NR2F1-AS1: variants seen among roughly 807,000 people sequenced by gnomAD.
NR2F1-AS1 encodes the protein NR2F1 regulatory antisense RNA 1, also known as NR2F1 antisense RNA 1.
At chr5:93,473,336 C>A (rs181826574) in intron 4 of NR2F1-AS1, among the ~76,000 whole-genome samples, 1 of 151,724 alleles carries the variant, frequency 6.6e-6, no homozygotes, top group Admixed American at 6.6e-5. Context: ...TGATCTTTAG[C>A]GATAGAATAA....
At chr5:93,460,991 C>T (rs185460702) in intron 4 of NR2F1-AS1, among the ~76,000 whole-genome samples, 176 of 152,180 alleles carry the variant, frequency 1.2e-3, no homozygotes, top group Non-Finnish European at 2.0e-3. Flanking sequence ...GGGTATATAC[C>T]CAAAGGAATA....
At chr5:93,574,947 G>A (rs1220977905) in intron 1 of NR2F1-AS1, among the ~76,000 whole-genome samples, 1 of 152,224 alleles carries the variant, frequency 6.6e-6, no homozygotes, top group East Asian at 1.9e-4. Context: ...GTGGGAAGGA[G>A]AGGAGTTAAA....
chr5:93,574,091 A>T (rs1026172027), intron 1 of NR2F1-AS1, among the ~76,000 whole-genome samples: 3 of 152,210 alleles, frequency 2.0e-5, no homozygotes, highest in African/African-American at 7.2e-5. Flanking sequence ...ACTACACCCC[A>T]ACTAGCTGGT....
intron 4 of NR2F1-AS1, among the ~76,000 whole-genome samples, chr5:93,502,996 A>G (rs771887919): frequency 6.6e-6 from 1 of 152,298 alleles, no homozygotes. Context: ...TACCTATGGG[A>G]AAGGAGAGAA....
chr5:93,546,479 T>TAAC (rs1752090847), intron 4 of NR2F1-AS1, among the ~76,000 whole-genome samples: 1 of 151,722 alleles, frequency 6.6e-6, no homozygotes, highest in Non-Finnish European at 1.5e-5. Context: ...GGGAAATGGT[T>TAAC]TTTTCATTGG....
chr5:93,432,773 A>C (rs973618032), intron 4 of NR2F1-AS1, among the ~76,000 whole-genome samples: 3 of 152,090 alleles, frequency 2.0e-5, no homozygotes, highest in Non-Finnish European at 4.4e-5. Context: ...TTCCTCCTTA[A>C]TTCGGTACTA....
At chr5:93,450,024 A>G (rs1245224850) in intron 4 of NR2F1-AS1, among the ~76,000 whole-genome samples, 1 of 152,154 alleles carries the variant, frequency 6.6e-6, no homozygotes, top group Non-Finnish European at 1.5e-5. Context: ...CTGTGAGGAG[A>G]TTTTAGTGGC....
At chr5:93,522,298 C>A (rs1262133805) in intron 4 of NR2F1-AS1, among the ~76,000 whole-genome samples, 1 of 152,062 alleles carries the variant, frequency 6.6e-6, no homozygotes, top group Non-Finnish European at 1.5e-5. Context: ...GTACAACAAA[C>A]CCCTGTGACA....
intron 4 of NR2F1-AS1, among the ~76,000 whole-genome samples, chr5:93,523,881 A>G (rs1384637629): frequency 6.6e-6 from 1 of 152,192 alleles, no homozygotes; most frequent in Non-Finnish European, 1.5e-5. Flanking sequence ...AGGTAGATAA[A>G]TCCATGAAAA....
intron 2 of NR2F1-AS1, among the ~76,000 whole-genome samples, chr5:93,558,411 C>T (rs769469502): frequency 6.6e-6 from 1 of 151,900 alleles, no homozygotes; most frequent in African/African-American, 2.4e-5. Context: ...ACCTCCACCC[C>T]CTGGGTTCAA....
At chr5:93,466,331 CTT>C (rs573785186) in intron 4 of NR2F1-AS1, among the ~76,000 whole-genome samples, 2 of 142,556 alleles carry the variant, frequency 1.4e-5, no homozygotes, top group African/African-American at 2.6e-5. Flanking sequence ...TCAAAGAATT[CTT>C]TTTTTTTTTT....
At chr5:93,507,126 G>A (rs1431528306) in intron 4 of NR2F1-AS1, among the ~76,000 whole-genome samples, 5 of 151,434 alleles carry the variant, frequency 3.3e-5, no homozygotes, top group African/African-American at 1.2e-4. Context: ...AAAGACACAG[G>A]AAAAAAAATT....
chr5:93,412,330 T>C (rs1276076651), intron 4 of NR2F1-AS1, among the ~76,000 whole-genome samples: 1 of 152,132 alleles, frequency 6.6e-6, no homozygotes, highest in Non-Finnish European at 1.5e-5. Flanking sequence ...CAAGCAATGC[T>C]ACCACCTCTG....
intron 4 of NR2F1-AS1, among the ~76,000 whole-genome samples, chr5:93,536,099 A>C (rs568380276): frequency 6.6e-6 from 1 of 152,352 alleles, no homozygotes; most frequent in East Asian, 1.9e-4. Context: ...GTAAAGTTGC[A>C]GGATACAAAA....
At chr5:93,440,745 T>C (rs975344171) in intron 4 of NR2F1-AS1, among the ~76,000 whole-genome samples, 12 of 152,344 alleles carry the variant, frequency 7.9e-5, no homozygotes, top group African/African-American at 2.9e-4. Flanking sequence ...GCCATGTCAC[T>C]GATGTTTTCC....
intron 4 of NR2F1-AS1, among the ~76,000 whole-genome samples, chr5:93,531,274 G>A (rs901631570): frequency 6.6e-6 from 1 of 150,966 alleles, no homozygotes; most frequent in Non-Finnish European, 1.5e-5. Context: ...GATCACCTAT[G>A]AAGTAAGATA....
intron 4 of NR2F1-AS1, among the ~76,000 whole-genome samples, chr5:93,494,049 A>G (rs1750907696): frequency 6.6e-6 from 1 of 152,162 alleles, no homozygotes; most frequent in Non-Finnish European, 1.5e-5. Context: ...CAGAATGGGA[A>G]AAAAATTTTG....
At chr5:93,509,915 G>C (rs1751261941) in intron 4 of NR2F1-AS1, among the ~76,000 whole-genome samples, 1 of 151,756 alleles carries the variant, frequency 6.6e-6, no homozygotes, top group African/African-American at 2.4e-5. Flanking sequence ...CTTATGTATA[G>C]TCTCGATGAA....
intron 4 of NR2F1-AS1, among the ~76,000 whole-genome samples, chr5:93,417,110 T>C (rs1393894851): frequency 6.6e-6 from 1 of 152,192 alleles, no homozygotes; most frequent in Non-Finnish European, 1.5e-5. Flanking sequence ...CCTTACAAGA[T>C]CTTTCTCTAA....
Sources: allele counts gnomAD v4.1 joint callset (sites outside exome capture counted in the v4.1 genomes callset), GRCh38; gene constraint gnomAD v4.1.1; transcripts MANE v1.5; gene names NCBI Gene and HGNC (gene_info 2026-07-23, HGNC 2026-07-21).